The following ZNF75D variants were observed in gnomAD, a reference collection of about 807,000 sequenced individuals.
The protein encoded by ZNF75D is zinc finger protein 75.
A neutral mutation model predicts 33.3 loss-of-function variants in ZNF75D; 33 were observed. The ratio of observed to expected loss-of-function variants is 0.99; its 90% CI spans 0.75 to 1.32. The LOEUF (loss-of-function observed/expected upper bound fraction) is 1.32, where lower values mean the gene tolerates loss of function less well. Ranked by LOEUF, ZNF75D falls within the 40% of genes most tolerant of loss-of-function variation. ZNF75D has a pLI of 0.00. For missense variants in ZNF75D, 338 were observed against 367.5 expected (o/e 0.92, Z 0.66); for synonymous variants, 113 against 130.6 (o/e 0.87, Z 0.92).
chrX:135,289,348 G>A (rs1556420563), intron 6 of ZNF75D, among the ~76,000 whole-genome samples: 2 of 112,206 alleles, frequency 1.8e-5, no homozygotes, highest in Non-Finnish European at 1.9e-5. Flanking sequence ...CAGGCGTGGT[G>A]GCTCATGCCT....
chrX:135,292,192 TG>T, intron 4 of ZNF75D, 88 bp downstream of exon 4: 1 of 945,714 alleles, frequency 1.1e-6, no homozygotes, highest in Non-Finnish European at 1.5e-6. Context: ...CTAGCATGGC[TG>T]GCCACCTGGA....
chrX:135,285,603 C>T (rs1050699855), downstream of ZNF75D, among the ~76,000 whole-genome samples: 8 of 112,684 alleles, frequency 7.1e-5, no homozygotes, highest in African/African-American at 2.6e-4. Context: ...GTTTAGGAAA[C>T]ACCAAATGTG....
Position 135,317,598 on chromosome X carries a change from C to T in ZNF75D, c.-390-21559G>A, listed in dbSNP as rs75281790. On this transcript the variant is annotated intron_variant, in intron 1 of 6. Coordinates refer to ENST00000370766, the MANE Select transcript of ZNF75D (RefSeq NM_007131.5). ...GCTTCCCAAGTGGTTCATGCTGGTA[C>T]GGGCAGTGGTGGCTGTAGTGGCCTG... is the stretch of plus-strand genomic sequence containing the variant. Among the ~76,000 whole-genome samples, 1,430 of 110,838 alleles carry T rather than the reference C, an allele frequency of 0.013. 41 individuals carry two copies. In the East Asian group the frequency reaches 0.14, roughly 11 times the overall value.
intron 4 of ZNF75D, among the ~76,000 whole-genome samples, chrX:135,292,064 A>G (rs1556421407): frequency 2.7e-5 from 3 of 111,673 alleles, no homozygotes; most frequent in Non-Finnish European, 5.6e-5. Context: ...TCAAAGGAGT[A>G]GAGTCTATAG....
chrX:135,324,605 C>T (rs1190583980), intron 1 of ZNF75D, among the ~76,000 whole-genome samples: 2 of 112,604 alleles, frequency 1.8e-5, no homozygotes, highest in African/African-American at 6.5e-5. Flanking sequence ...ACCAGTAACA[C>T]TGTAGTCAGA....
At chrX:135,319,765 G>T (rs958813966) in intron 1 of ZNF75D, among the ~76,000 whole-genome samples, 4 of 112,221 alleles carry the variant, frequency 3.6e-5, no homozygotes, top group Non-Finnish European at 5.6e-5. Context: ...GGTCAAACCT[G>T]AAGTAGAACT....
At chrX:135,304,389 A>T (rs1442131466) in intron 1 of ZNF75D, among the ~76,000 whole-genome samples, 5 of 111,831 alleles carry the variant, frequency 4.5e-5, no homozygotes, top group Admixed American at 1.9e-4. Flanking sequence ...GGAGACCTGG[A>T]GAGGAGGAGG....
intron 1 of ZNF75D, among the ~76,000 whole-genome samples, chrX:135,268,148 C>CCAA: frequency 1.0e-5 from 1 of 97,942 alleles, no homozygotes; most frequent in Non-Finnish European, 2.1e-5. Flanking sequence ...AAACCCACAT[C>CCAA]TAGTATGCTG....
At chrX:135,283,117 G>A (rs1051952280), downstream of ZNF75D, among the ~76,000 whole-genome samples, 1 of 111,832 alleles carries the variant, frequency 8.9e-6, no homozygotes, top group Non-Finnish European at 1.9e-5. Context: ...AGCTGACCTG[G>A]CCTCCTTCCC....
chrX:135,270,381 A>C (rs2083878601), intron 1 of ZNF75D, among the ~76,000 whole-genome samples: 1 of 92,343 alleles, frequency 1.1e-5, no homozygotes. Context: ...ATATATATAT[A>C]TATATATATA....
chrX:135,311,547 T>C (rs782253277), intron 1 of ZNF75D, among the ~76,000 whole-genome samples: 1 of 112,806 alleles, frequency 8.9e-6, no homozygotes, highest in African/African-American at 3.2e-5. Flanking sequence ...TTTTTGTGTA[T>C]GGTGAGAACA....
chrX:135,310,380 A>G (rs782044169), intron 1 of ZNF75D, among the ~76,000 whole-genome samples: 1 of 112,176 alleles, frequency 8.9e-6, no homozygotes, highest in Non-Finnish European at 1.9e-5. Flanking sequence ...CAGATACTCC[A>G]AGAAACCTGA....
At chrX:135,293,621 G>A (rs1602608444) in intron 3 of ZNF75D, 109 bp downstream of exon 3, 1 of 759,464 alleles carries the variant, frequency 1.3e-6, no homozygotes, top group African/African-American at 2.1e-5. Flanking sequence ...TGTCCTAAAG[G>A]AGCAACAGAA....
At chrX:135,332,900 GCTGGAGAC>G (rs1173021817) in intron 1 of ZNF75D, among the ~76,000 whole-genome samples, 1 of 111,891 alleles carries the variant, frequency 8.9e-6, no homozygotes, top group Non-Finnish European at 1.9e-5. Context: ...ATCTGGGTAG[GCTGGAGAC>G]CAGAGAAGCC....
At chrX:135,260,236 G>C (rs1441258155) in intron 1 of ZNF75D, among the ~76,000 whole-genome samples, 1 of 112,059 alleles carries the variant, frequency 8.9e-6, no homozygotes, top group African/African-American at 3.2e-5. Flanking sequence ...GTTCATCAGG[G>C]ATATTGGTCT....
rs149100884 is a variant in ZNF75D at position 135,304,282 on chromosome X, G to A, written c.-390-8243C>T. Among the ~76,000 whole-genome samples, 302 of 111,180 alleles carry A rather than the reference G, an allele frequency of 2.7e-3. 1 individual carries two copies. Among genetic ancestry groups the A allele is most frequent in the African/African-American group, 9.0e-3 (274 of 30,524 alleles). On this transcript the variant is annotated intron_variant, in intron 1 of 6. Coordinates refer to ENST00000370766, the MANE Select transcript of ZNF75D (RefSeq NM_007131.5). ...GGACAGTGTGCTGAGCGTGGGCCTG[G>A]ATGGGCATAGGTGGGTGGAAGCAAG...
At chrX:135,250,411 A>G (rs2083777085) in intron 3 of ZNF75D, among the ~76,000 whole-genome samples, 1 of 104,453 alleles carries the variant, frequency 9.6e-6, no homozygotes, top group Non-Finnish European at 2.0e-5. Context: ...TAAACATGCT[A>G]TGTATAGAAA....
Position 135,287,295 on chromosome X carries a change from T to C in ZNF75D, c.1375A>G (p.Ile459Val), listed in dbSNP as rs781859573. Reference sequence around the variant, plus strand: ...TGTTTAATAAGGTGGGAGTTCTGAATGAATCTTTTTCCACATTCATCACAT... The same window carrying C: ...TGTTTAATAAGGTGGGAGTTCTGAACGAATCTTTTTCCACATTCATCACAT... ...FKCDECGKRF[I>V]QNSHLIKHQR... The change falls in exon 7 of 7, where the codon ATT (isoleucine) becomes GTT (valine). Residue 459 changes from isoleucine to valine, a missense_variant. Physicochemically the swap from Ile to Val is conservative, Grantham distance 29. This residue lies in a region of ZNF75D where 79 missense variants were observed against 80.1 expected (regional missense o/e 0.99). Coordinates refer to ENST00000370766, the MANE Select transcript of ZNF75D (RefSeq NM_007131.5). The C allele has an allele frequency of 9.1e-6, 11 of 1,212,127 alleles. No individual in the cohort carries two copies. Among genetic ancestry groups the C allele is most frequent in the Non-Finnish European group, 1.2e-5 (11 of 895,589 alleles).
chrX:135,271,195 C>T (rs782318991), intron 1 of ZNF75D, among the ~76,000 whole-genome samples: 10 of 111,723 alleles, frequency 9.0e-5, no homozygotes, highest in Admixed American at 3.8e-4. Flanking sequence ...ATTTCACAGA[C>T]CTGAGCTCAT....
Sources: allele counts gnomAD v4.1 joint callset (sites outside exome capture counted in the v4.1 genomes callset), GRCh38; gene constraint gnomAD v4.1.1; regional missense constraint gnomAD v4.1.1; transcripts MANE v1.5; gene names NCBI Gene and HGNC (gene_info 2026-07-23, HGNC 2026-07-21).